Variants in NFAM1 observed in about 807,000 individuals in gnomAD.
The protein encoded by NFAM1 is NFAT activation molecule 1.
NFAM1 carries 17 observed loss-of-function variants against 29.0 expected under a neutral mutation model. The observed-to-expected ratio is 0.59, with a 90% CI of 0.40 to 0.88. The LOEUF (loss-of-function observed/expected upper bound fraction) is 0.88. NFAM1 is among the 40% of genes least tolerant of loss of function. The probability of loss-of-function intolerance (pLI) is 0.00; values close to 1 mark genes in which losing one functional copy is unlikely to be tolerated. For synonymous variants in NFAM1, 175 were observed against 147.2 expected (o/e 1.19, Z -1.36); for missense variants, 324 against 344.6 (o/e 0.94, Z 0.47).
At chr22:42,405,735 G>A (rs891958026) in intron 3 of NFAM1, among the ~76,000 whole-genome samples, 5 of 152,168 alleles carry the variant, frequency 3.3e-5, no homozygotes, top group Non-Finnish European at 5.9e-5. Context: ...GAGTCAAGGC[G>A]GAGCACAGAG....
intron 4 of NFAM1, among the ~76,000 whole-genome samples, chr22:42,387,567 C>G (rs988106732): frequency 2.1e-5 from 3 of 143,326 alleles, no homozygotes; most frequent in Non-Finnish European, 4.6e-5. Flanking sequence ...CCCTCTAGCT[C>G]TCCCCAACCC....
chr22:42,434,851 G>A (rs985592382), upstream of NFAM1, among the ~76,000 whole-genome samples: 4 of 152,210 alleles, frequency 2.6e-5, no homozygotes, highest in Non-Finnish European at 5.9e-5. Flanking sequence ...GGGACCACAC[G>A]TCTCAGCCAC....
At chr22:42,424,712 G>A (rs1601761668) in intron 1 of NFAM1, among the ~76,000 whole-genome samples, 1 of 152,026 alleles carries the variant, frequency 6.6e-6, no homozygotes, top group East Asian at 1.9e-4. Flanking sequence ...ACTGTGCCTT[G>A]GTGGAGTTGG....
chr22:42,393,017 C>T (rs1929396295), intron 4 of NFAM1, among the ~76,000 whole-genome samples: 1 of 152,010 alleles, frequency 6.6e-6, no homozygotes, highest in African/African-American at 2.4e-5. Context: ...CCAGGCTGGT[C>T]TTGAACTCCT....
intron 4 of NFAM1, among the ~76,000 whole-genome samples, chr22:42,393,590 G>T (rs8139689): frequency 0.03 from 3,449 of 115,914 alleles, 139 homozygotes; most frequent in African/African-American, 0.097. Flanking sequence ...TTTTTTTTTT[G>T]TATTTTTAGT....
At chr22:42,387,275 T>A (rs1929183033) in intron 4 of NFAM1, among the ~76,000 whole-genome samples, 197 bp from the exon 5 acceptor site, 1 of 151,908 alleles carries the variant, frequency 6.6e-6, no homozygotes, top group Admixed American at 6.5e-5. Flanking sequence ...GGCTGACCCC[T>A]CTCTGTTCTC....
intron 3 of NFAM1, among the ~76,000 whole-genome samples, chr22:42,400,532 G>T (rs1250532125): frequency 6.6e-6 from 1 of 152,194 alleles, no homozygotes; most frequent in African/African-American, 2.4e-5. Flanking sequence ...GCAGAGAATT[G>T]CTTGAACCTG....
intron 5 of NFAM1, among the ~76,000 whole-genome samples, chr22:42,386,396 A>ACACACACACACACACACAC (rs1555968132): frequency 7.0e-4 from 88 of 125,276 alleles, no homozygotes; most frequent in African/African-American, 2.4e-3. Flanking sequence ...AAAACAAACA[A>ACACACACACACACACACAC]ACACACACAC....
In NFAM1 at chr22:42,380,582, T is replaced by C. The variant is rs2294361; in HGVS notation, c.*4579A>G. 85,179 of 152,508 alleles carry C rather than the reference T, an allele frequency of 0.56. 24,192 individuals carry two copies. Among genetic ancestry groups the C allele is most frequent in the African/African-American group, 0.66 (27,185 of 41,482 alleles). 9.4% of individuals were successfully genotyped at this position (152,508 alleles called of 1,614,324 possible). A position where few individuals can be genotyped will look rare whatever the true frequency, so the allele number is the denominator to read the frequency against. Reference sequence around the variant, plus strand: ...TGACCACAGGTCAGGGAAGGGAGACTGGGGAAGCCCCCTCAGGTGGACAAA... The same window carrying C: ...TGACCACAGGTCAGGGAAGGGAGACCGGGGAAGCCCCCTCAGGTGGACAAA... On this transcript the variant is annotated 3_prime_UTR_variant, in exon 6 of 6. Coordinates refer to ENST00000329021, the MANE Select transcript of NFAM1 (RefSeq NM_145912.8).
chr22:42,426,772 G>A (rs989357204), intron 1 of NFAM1, among the ~76,000 whole-genome samples: 2 of 152,122 alleles, frequency 1.3e-5, no homozygotes, highest in African/African-American at 2.4e-5. Context: ...AGAGAAGCCT[G>A]GTGGGCAGGA....
At chr22:42,417,890 CTGTT>C (rs896356712) in intron 1 of NFAM1, among the ~76,000 whole-genome samples, 1 of 152,148 alleles carries the variant, frequency 6.6e-6, no homozygotes, top group African/African-American at 2.4e-5. Context: ...CCGGGCTTGG[CTGTT>C]TGTTTTGAGT....
intron 5 of NFAM1, among the ~76,000 whole-genome samples, chr22:42,386,721 G>A (rs1305187173): frequency 1.3e-5 from 2 of 152,176 alleles, no homozygotes; most frequent in Non-Finnish European, 2.9e-5. Context: ...TATGAGGTGG[G>A]TACTGTTAGG....
At chr22:42,413,580 A>G (rs540883195) in intron 1 of NFAM1, among the ~76,000 whole-genome samples, 23 of 152,018 alleles carry the variant, frequency 1.5e-4, no homozygotes, top group South Asian at 4.1e-4. Flanking sequence ...GTTCGAGACC[A>G]GCCTGGCTAA....
At chr22:42,395,764 TC>T (rs2147095859) in intron 4 of NFAM1, among the ~76,000 whole-genome samples, 1 of 150,578 alleles carries the variant, frequency 6.6e-6, no homozygotes, top group Admixed American at 6.6e-5. Flanking sequence ...GCACCTGTAG[TC>T]CCAGCTACTT....
chr22:42,406,144 G>C (rs73886087), intron 3 of NFAM1, among the ~76,000 whole-genome samples: 4,264 of 37,542 alleles, frequency 0.11, 206 homozygotes, highest in African/African-American at 0.24. Flanking sequence ...TGACACCTGC[G>C]GGGCAGGCGC....
intron 1 of NFAM1, among the ~76,000 whole-genome samples, chr22:42,413,602 C>A (rs1194541281): frequency 6.6e-6 from 1 of 151,904 alleles, no homozygotes; most frequent in African/African-American, 2.4e-5. Flanking sequence ...ATGGTGAAAC[C>A]CCGCCTCTAC....
chr22:42,433,303 G>A (rs940738905), upstream of NFAM1, among the ~76,000 whole-genome samples: 1 of 152,204 alleles, frequency 6.6e-6, no homozygotes, highest in African/African-American at 2.4e-5. Context: ...AGGCGGGAAG[G>A]TGGCTGAGTT....
chr22:42,416,172 C>T (rs1001453841), intron 1 of NFAM1, among the ~76,000 whole-genome samples: 12 of 152,194 alleles, frequency 7.9e-5, no homozygotes, highest in Non-Finnish European at 1.3e-4. Flanking sequence ...ATTGCAACCG[C>T]GTTCTGGAGC....
chr22:42,430,875 T>C (rs1372722168), intron 1 of NFAM1, among the ~76,000 whole-genome samples: 3 of 152,124 alleles, frequency 2.0e-5, no homozygotes, highest in African/African-American at 7.2e-5. Flanking sequence ...AAATTAAAAA[T>C]GACTGTAGTT....
Sources: allele counts gnomAD v4.1 joint callset (sites outside exome capture counted in the v4.1 genomes callset), GRCh38; gene constraint gnomAD v4.1.1; transcripts MANE v1.5; gene names NCBI Gene and HGNC (gene_info 2026-07-23, HGNC 2026-07-21).